TM7SF3: variants seen among roughly 807,000 people sequenced by gnomAD.
The protein encoded by TM7SF3 is transmembrane 7 superfamily member 3.
Under a neutral mutation model 65.5 loss-of-function variants are expected in TM7SF3, and 60 were observed. That is an observed-to-expected ratio of 0.92 (90% CI 0.74 to 1.14). The LOEUF (loss-of-function observed/expected upper bound fraction) is 1.14, where lower values mean the gene tolerates loss of function less well. Ranked by LOEUF, TM7SF3 falls within the 50% of genes most tolerant of loss-of-function variation. The pLI is 0.00. For missense variants in TM7SF3, 623 were observed against 684.8 expected (o/e 0.91, Z 1.01); for synonymous variants, 264 against 259.6 (o/e 1.02, Z -0.16).
chr12:27,004,708 T>C (rs1195760039), intron 1 of TM7SF3, among the ~76,000 whole-genome samples: 1 of 152,182 alleles, frequency 6.6e-6, no homozygotes, highest in Non-Finnish European at 1.5e-5. Context: ...AATCTTAACC[T>C]CTATATATTT....
chr12:26,983,163 G>A (rs183164778), intron 6 of TM7SF3, among the ~76,000 whole-genome samples: 5 of 143,508 alleles, frequency 3.5e-5, no homozygotes, highest in Non-Finnish European at 6.0e-5. Context: ...CAGAGAGAGA[G>A]TGTTCCTAAA....
In TM7SF3 at chr12:26,975,621, G is replaced by A. The variant is rs765346016; in HGVS notation, c.1325C>T (p.Ser442Leu). 20 of 1,613,826 alleles carry A rather than the reference G, an allele frequency of 1.2e-5. No homozygotes were observed. In the Admixed American group the frequency reaches 1.3e-4, roughly 11 times the overall value. Reference protein sequence around the residue: ...ILTCGVIGSYSVVLAIDSYWS... With the variant: ...ILTCGVIGSYLVVLAIDSYWS... ...GTAACTGTCAATGGCTAAAACCACC[G>A]AATAGGAGCCAATGACTCCACAAGT... Residue 442 changes from serine (S) to leucine (L), a missense_variant, in exon 11 of 12, where the codon TCG becomes TTG. By Grantham distance (145) the Ser-to-Leu change is moderately radical. Coordinates refer to ENST00000343028, the MANE Select transcript of TM7SF3 (RefSeq NM_016551.3).
rs5797208 is a variant in TM7SF3 at position 26,975,661 on chromosome 12, G to GT, written c.1288-4dup. 395,310 of 1,612,946 alleles carry GT rather than the reference G, an allele frequency of 0.25. 50,827 individuals are homozygous for GT. The highest frequency in any genetic ancestry group is 0.41 in the East Asian group (18,363 of 44,850). On this transcript the variant is annotated splice_polypyrimidine_tract_variant and splice_region_variant and intron_variant, in intron 10 of 11. Coordinates refer to ENST00000343028, the MANE Select transcript of TM7SF3 (RefSeq NM_016551.3). Reference sequence around the variant, plus strand: ...ACTCCACAAGTCAGTATGTTCAGCTGTGGAAGAGTGGAAGAGTTTAGGCAT... The same window carrying GT: ...ACTCCACAAGTCAGTATGTTCAGCTGTTGGAAGAGTGGAAGAGTTTAGGCAT...
intron 1 of TM7SF3, among the ~76,000 whole-genome samples, chr12:27,009,488 T>G (rs1438005871): frequency 6.6e-6 from 1 of 152,218 alleles, no homozygotes; most frequent in Non-Finnish European, 1.5e-5. Flanking sequence ...TCTTTACATA[T>G]CCCATGATTA....
At chr12:26,998,403 A>G (rs923071061) in intron 3 of TM7SF3, among the ~76,000 whole-genome samples, 2 of 151,868 alleles carry the variant, frequency 1.3e-5, no homozygotes, top group Admixed American at 6.6e-5. Context: ...TAAATTATGT[A>G]CTCTGCATTT....
chr12:26,991,984 C>T (rs573608484), intron 5 of TM7SF3, among the ~76,000 whole-genome samples: 11 of 152,110 alleles, frequency 7.2e-5, no homozygotes, highest in African/African-American at 2.4e-4. Context: ...CTTAGGTCAG[C>T]GTGGTACTAG....
At chr12:26,981,637 T>TA (rs1219007972) in intron 7 of TM7SF3, among the ~76,000 whole-genome samples, 4 of 152,066 alleles carry the variant, frequency 2.6e-5, no homozygotes, top group Admixed American at 6.5e-5. Flanking sequence ...TCCCAATTAA[T>TA]AAAAAAAGTG....
At chr12:26,999,491 A>C in intron 3 of TM7SF3, 35 bp downstream of exon 3, 1 of 1,601,626 alleles carries the variant, frequency 6.2e-7, no homozygotes, top group East Asian at 2.2e-5. Context: ...TCCATATTCC[A>C]AAGAGTAAGA....
intron 2 of TM7SF3, 121 bp from the exon 3 acceptor site, chr12:26,999,797 T>C (rs1940758504): frequency 2.0e-6 from 2 of 995,656 alleles, no homozygotes; most frequent in East Asian, 5.1e-5. Context: ...AAAAAAACCT[T>C]CCTTAAATAA....
In TM7SF3 at chr12:27,008,356, C is replaced by T. The variant is rs189606070; in HGVS notation, c.92-4966G>A. The stretch of plus-strand genomic sequence containing the variant: ...TATCCTCTTTGTGAAACAGTCTGTT[C>T]GAGTCTTTTACACATATTAAAAATG... On this transcript the variant is annotated intron_variant, in intron 1 of 11. Coordinates refer to ENST00000343028, the MANE Select transcript of TM7SF3 (RefSeq NM_016551.3). 3.3e-5 allele frequency among the ~76,000 whole-genome samples: 5 copies of T among 152,126 alleles called. 1 individual carries two copies. Among genetic ancestry groups the T allele is most frequent in the Admixed American group, 6.5e-5 (1 of 15,284 alleles).
intron 6 of TM7SF3, among the ~76,000 whole-genome samples, chr12:26,984,205 G>A (rs563705549): frequency 9.5e-4 from 144 of 152,232 alleles, no homozygotes; most frequent in Non-Finnish European, 1.6e-3. Flanking sequence ...CGAGGTGGGC[G>A]GATCACTTGA....
At chr12:27,000,926 T>G (rs1424266614) in intron 2 of TM7SF3, among the ~76,000 whole-genome samples, 2 of 151,956 alleles carry the variant, frequency 1.3e-5, no homozygotes, top group Non-Finnish European at 2.9e-5. Flanking sequence ...GAAAGTTTTT[T>G]GAATAATAAA....
At chr12:27,003,442 G>T (rs1012353226) in intron 1 of TM7SF3, 52 bp from the exon 2 acceptor site, 2 of 1,492,240 alleles carry the variant, frequency 1.3e-6, no homozygotes, top group Non-Finnish European at 9.1e-7. Flanking sequence ...ATATCAATTT[G>T]CAGAAATCAT....
In TM7SF3 at chr12:27,003,373, C is replaced by T. The variant is rs1331507443; in HGVS notation, c.109G>A (p.Val37Met). The change falls in exon 2 of 12, where the codon GTG becomes ATG. Residue 37 changes from valine (V) to methionine (M), a missense_variant. Physicochemically the swap from Val to Met is conservative, Grantham distance 21 (BLOSUM62 1). Transcript: ENST00000343028. ...AGCTCGAAGTATCTAAATTTCCCCACAGAAAATTCAATAAGACCTACAACG... is the reference window on the plus strand; with the variant it reads ...AGCTCGAAGTATCTAAATTTCCCCATAGAAAATTCAATAAGACCTACAACG... ...NSSEGLIEFS[V>M]GKFRYFELNR... 1 of 1,611,906 alleles carries T rather than the reference C, an allele frequency of 6.2e-7. No individual in the cohort carries two copies.
intron 4 of TM7SF3, among the ~76,000 whole-genome samples, chr12:26,996,154 A>T (rs1051238907): frequency 7.3e-5 from 10 of 136,858 alleles, no homozygotes; most frequent in South Asian, 2.2e-4. Flanking sequence ...TCTTTGATTT[A>T]AAAAAAAAAA....
intron 8 of TM7SF3, chr12:26,980,285 A>T: frequency 1.9e-6 from 1 of 528,036 alleles, no homozygotes; most frequent in Non-Finnish European, 3.3e-6. Context: ...TGCTTGTTGT[A>T]CATCTCATAT....
At chr12:27,013,953 C>T in intron 1 of TM7SF3, 125 bp downstream of exon 1, 1 of 813,972 alleles carries the variant, frequency 1.2e-6, no homozygotes. Flanking sequence ...GGACTCACCA[C>T]CCAGCGTGTA....
intron 3 of TM7SF3, among the ~76,000 whole-genome samples, chr12:26,999,220 C>T (rs1460761103): frequency 5.3e-5 from 8 of 152,046 alleles, no homozygotes; most frequent in African/African-American, 4.8e-5. Context: ...CATGGTGAAA[C>T]GCCATCTCTA....
intron 10 of TM7SF3, 25 bp downstream of exon 10, chr12:26,976,235 A>T: frequency 6.6e-7 from 1 of 1,504,428 alleles, no homozygotes; most frequent in Non-Finnish European, 9.3e-7. Flanking sequence ...TAATCAATAA[A>T]TCTAACTTTT....
Sources: gnomAD v4.1 joint callset for allele counts (sites outside exome capture counted in the v4.1 genomes callset) on GRCh38, gnomAD v4.1.1 for gene constraint, MANE v1.5 for transcripts, NCBI Gene and HGNC (gene_info 2026-07-23, HGNC 2026-07-21) for gene names.